LAMC1: variants seen among roughly 807,000 people sequenced by gnomAD.
LAMC1 encodes laminin subunit gamma-1.
A neutral mutation model predicts 173.6 loss-of-function variants in LAMC1; 38 were observed. That is an observed-to-expected ratio of 0.22 (90% CI 0.17 to 0.29). LAMC1 has a LOEUF of 0.29. LAMC1 is among the 10% of genes least tolerant of loss of function. The probability of loss-of-function intolerance (pLI) is 1.00; values close to 1 mark genes in which losing one functional copy is unlikely to be tolerated. For synonymous variants in LAMC1, 746 were observed against 749.1 expected (o/e 1.00, Z 0.07); for missense variants, 1,824 against 2,051.8 (o/e 0.89, Z 2.14).
chr1:183,081,810 T>G (rs1352413923), intron 1 of LAMC1, among the ~76,000 whole-genome samples: 1 of 152,184 alleles, frequency 6.6e-6, no homozygotes, highest in African/African-American at 2.4e-5. Flanking sequence ...TGTTGTGCAT[T>G]CTAAGGATTT....
intron 1 of LAMC1, among the ~76,000 whole-genome samples, chr1:183,079,079 TC>T (rs1348303697): frequency 2.0e-5 from 3 of 151,624 alleles, no homozygotes; most frequent in African/African-American, 7.3e-5. Flanking sequence ...GAGAGAGTGC[TC>T]TAATTTTAGA....
intron 14 of LAMC1, chr1:183,125,092 GA>G (rs1406871857): frequency 2.1e-5 from 13 of 606,364 alleles, no homozygotes; most frequent in Non-Finnish European, 3.1e-5. Context: ...AGAAACAGGT[GA>G]AATGAATACT....
intron 1 of LAMC1, among the ~76,000 whole-genome samples, chr1:183,063,410 T>C (rs1654788979): frequency 6.6e-6 from 1 of 152,170 alleles, no homozygotes; most frequent in Admixed American, 6.5e-5. Context: ...TGAAAATAAG[T>C]TAGAAGTTGG....
At chr1:183,028,520 G>T (rs200362034) in intron 1 of LAMC1, among the ~76,000 whole-genome samples, 2 of 152,274 alleles carry the variant, frequency 1.3e-5, no homozygotes, top group Admixed American at 6.5e-5. Context: ...TTCTCACAAC[G>T]CAAGGAAGGC....
chr1:183,069,015 C>G (rs1278480927), intron 1 of LAMC1, among the ~76,000 whole-genome samples: 1 of 152,038 alleles, frequency 6.6e-6, no homozygotes, highest in African/African-American at 2.4e-5. Context: ...GCACCAGGGA[C>G]TTGTTTTGTG....
Position 183,126,106 on chromosome 1 carries a change from G to A in LAMC1, c.2802-14G>A, listed in dbSNP as rs368003567. On this transcript the variant is annotated splice_polypyrimidine_tract_variant and intron_variant, in intron 15 of 27. Coordinates refer to ENST00000258341, the MANE Select transcript of LAMC1 (RefSeq NM_002293.4). ...GTTTTTCTTGCCTGAGAAATGTCCTGTGTTCATTTTCAGGTGTGACTGCCA... is the reference window on the plus strand; with the variant it reads ...GTTTTTCTTGCCTGAGAAATGTCCTATGTTCATTTTCAGGTGTGACTGCCA... The A allele has an allele frequency of 6.2e-7, 1 of 1,610,866 alleles. No individual in the cohort carries two copies. Among genetic ancestry groups the A allele is most frequent in the South Asian group, 1.1e-5 (1 of 89,894 alleles).
chr1:183,126,172 G>T lies in LAMC1; in HGVS notation c.2854G>T (p.Gly952Cys). 1 of 1,614,192 alleles carries T rather than the reference G, an allele frequency of 6.2e-7. No individual in the cohort carries two copies. The highest frequency in any genetic ancestry group is 1.3e-5 in the African/African-American group (1 of 75,044). The part of the protein sequence containing the change: ...STNGQCDIRT[G>C]QCECQPGITG... ...CAATGGGCAGTGTGACATCCGCACC[G>T]GCCAGTGTGAGTGCCAGCCCGGCAT... Residue 952 changes from glycine to cysteine, a missense_variant, in exon 16 of 28, where the codon GGC becomes TGC. Coordinates refer to ENST00000258341, the MANE Select transcript of LAMC1 (RefSeq NM_002293.4).
At chr1:183,028,871 T>C (rs935395175) in intron 1 of LAMC1, among the ~76,000 whole-genome samples, 3 of 152,260 alleles carry the variant, frequency 2.0e-5, no homozygotes, top group Non-Finnish European at 4.4e-5. Context: ...AAAGTTGTAT[T>C]TCTAGTCAGC....
Position 183,023,686 on chromosome 1 carries a change from C to T in LAMC1, c.-31C>T, listed in dbSNP as rs1254873288. ...GAGAGGAACGCGCCGGTGCCCTTGC[C>T]TTCGCCGTGACCCAGCGTGCGGGCG... On this transcript the variant is annotated 5_prime_UTR_variant, in exon 1 of 28. Transcript: ENST00000258341. 8.6e-7 allele frequency: 1 copy of T among 1,165,888 alleles called. No individual in the cohort carries two copies. Among genetic ancestry groups the T allele is most frequent in the Non-Finnish European group, 1.1e-6 (1 of 943,342 alleles). The allele number at this position is 1,165,888 out of a possible 1,614,324, so 72.2% of individuals were successfully genotyped here.
At chr1:183,107,567 ACG>A (rs1397000279) in intron 2 of LAMC1, among the ~76,000 whole-genome samples, 1 of 152,166 alleles carries the variant, frequency 6.6e-6, no homozygotes, top group African/African-American at 2.4e-5. Flanking sequence ...GTGGTGGCTC[ACG>A]CCTGTAATCC....
intron 1 of LAMC1, among the ~76,000 whole-genome samples, chr1:183,045,695 G>T (rs547414296): frequency 4.6e-5 from 7 of 151,910 alleles, no homozygotes; most frequent in African/African-American, 1.7e-4. Context: ...TGGGTTGCTG[G>T]GTCATAATAC....
rs571867921 is a variant in LAMC1 at position 183,117,587 on chromosome 1, T to A, written c.1741T>A (p.Phe581Ile). 1.1e-5 allele frequency: 18 copies of A among 1,614,226 alleles called. No individual in the cohort carries two copies. The African/African-American group carries it at 1.6e-4, about 14-fold the overall frequency. Residue 581 changes from phenylalanine (F) to isoleucine (I), a missense_variant, in exon 10 of 28, where the codon TTT (phenylalanine) becomes ATT (isoleucine). Coordinates refer to ENST00000258341, the MANE Select transcript of LAMC1 (RefSeq NM_002293.4). ...LSYGQNLSFS[F>I]RVDRRDTRLS... ...TTATGGTCAGAACCTCTCCTTCTCC[T>A]TTCGAGTGGACAGGCGAGATACTCG...
At chr1:183,037,373 A>C (rs545698796) in intron 1 of LAMC1, among the ~76,000 whole-genome samples, 3 of 152,286 alleles carry the variant, frequency 2.0e-5, no homozygotes, top group African/African-American at 7.2e-5. Context: ...TTTATCTGAC[A>C]TTATTAAAGA....
chr1:183,104,733 G>GC (rs1416840564), intron 2 of LAMC1, among the ~76,000 whole-genome samples: 1 of 152,110 alleles, frequency 6.6e-6, no homozygotes, highest in Non-Finnish European at 1.5e-5. Context: ...GGGTTCAGTT[G>GC]CCCCCCTTCC....
At chr1:183,059,360 G>A (rs938846141) in intron 1 of LAMC1, among the ~76,000 whole-genome samples, 2 of 152,196 alleles carry the variant, frequency 1.3e-5, no homozygotes, top group African/African-American at 4.8e-5. Context: ...CACTTGCCCT[G>A]TTATATACCA....
intron 1 of LAMC1, among the ~76,000 whole-genome samples, chr1:183,082,962 A>G (rs1393200537): frequency 6.6e-6 from 1 of 152,220 alleles, no homozygotes; most frequent in Non-Finnish European, 1.5e-5. Context: ...CTGGCCTCAG[A>G]AAACATAGCT....
At chr1:183,087,232 C>T (rs990323253) in intron 1 of LAMC1, among the ~76,000 whole-genome samples, 1 of 152,156 alleles carries the variant, frequency 6.6e-6, no homozygotes, top group Admixed American at 6.5e-5. Context: ...GAATCATTGA[C>T]TGAATTAACC....
chr1:183,116,819 C>A lies in LAMC1; in HGVS notation c.1480C>A (p.Pro494Thr), dbSNP rs774597415. ...LESSNPRGCT[P>T]CFCFGHSSVC... is the part of the protein sequence containing the mutation. ...ATCATCTAATCCTCGGGGTTGCACA[C>A]CCTGCTTCTGCTTTGGGCATTCTTC... The change falls in exon 8 of 28, where the codon CCC becomes ACC. Residue 494 changes from proline (P) to threonine (T), a missense_variant. Coordinates refer to ENST00000258341, the MANE Select transcript of LAMC1 (RefSeq NM_002293.4). The A allele has an allele frequency of 3.7e-6, 6 of 1,613,840 alleles. No individual in the cohort carries two copies. Among genetic ancestry groups the A allele is most frequent in the Non-Finnish European group, 4.2e-6 (5 of 1,179,844 alleles).
chr1:183,135,064 G>T lies in LAMC1; in HGVS notation c.4022G>T (p.Arg1341Leu), dbSNP rs372436112. The T allele has an allele frequency of 1.9e-6, 3 of 1,614,048 alleles. No homozygotes were observed. Among genetic ancestry groups the T allele is most frequent in the Non-Finnish European group, 1.7e-6 (2 of 1,179,958 alleles). The change falls in exon 24 of 28, where the codon CGA (arginine) becomes CTA (leucine). Residue 1341 changes from arginine to leucine, a missense_variant. Transcript: ENST00000258341. ...CAGACCGCAGACCAACTCCTAGCCC[G>T]AGCTGATGCTGCCAAGGCCCTCGCT... ...EQQTADQLLA[R>L]ADAAKALAEE...
Sources: gnomAD v4.1 joint callset for allele counts (sites outside exome capture counted in the v4.1 genomes callset) on GRCh38, gnomAD v4.1.1 for gene constraint, MANE v1.5 for transcripts, NCBI Gene and HGNC (gene_info 2026-07-23, HGNC 2026-07-21) for gene names.